Variants in TMEM45B observed in about 807,000 individuals in gnomAD.
The protein encoded by TMEM45B is transmembrane protein 45B.
A neutral mutation model predicts 27.3 loss-of-function variants in TMEM45B; 29 were observed. That is an observed-to-expected ratio of 1.06 (90% CI 0.79 to 1.45). The LOEUF (loss-of-function observed/expected upper bound fraction) is 1.45, where lower values mean the gene tolerates loss of function less well. TMEM45B is among the 40% of genes most tolerant of loss of function. The pLI is 0.00. For missense variants in TMEM45B, 348 were observed against 343.9 expected (o/e 1.01, Z -0.09); for synonymous variants, 143 against 134.7 (o/e 1.06, Z -0.43).
rs1352668679 is a variant in TMEM45B, at chr11:129,857,363, G to A, written c.621G>A (p.Lys207=). The part of the protein sequence containing the change: ...PPFGTPEWDQ[K]DDANLMFITM... ...TTGGAACACCCGAATGGGACCAGAA[G>A]GATGATGCCAACCTCATGTTCATCA... The change falls in exon 5 of 6, where the codon AAG becomes AAA. Residue 207 remains lysine (K), a synonymous_variant. Coordinates refer to ENST00000281441, the MANE Select transcript of TMEM45B (RefSeq NM_138788.5). 6.2e-7 allele frequency: 1 copy of A among 1,614,096 alleles called. No individual in the cohort carries two copies. Among genetic ancestry groups the A allele is most frequent in the South Asian group, 1.1e-5 (1 of 91,090 alleles).
intron 3 of TMEM45B, among the ~76,000 whole-genome samples, chr11:129,855,077 C>T (rs1000622122): frequency 8.5e-5 from 13 of 152,174 alleles, no homozygotes; most frequent in East Asian, 5.8e-4. Context: ...GAGTCCTCCT[C>T]GCCTTCCCAC....
At chr11:129,844,780 C>T (rs1191576203) in intron 1 of TMEM45B, among the ~76,000 whole-genome samples, 1 of 152,050 alleles carries the variant, frequency 6.6e-6, no homozygotes, top group Non-Finnish European at 1.5e-5. Context: ...GGAAAGGGTA[C>T]CAGGTAAGGT....
chr11:129,821,449 G>A (rs1947418953), intron 1 of TMEM45B, among the ~76,000 whole-genome samples: 1 of 151,766 alleles, frequency 6.6e-6, no homozygotes, highest in Admixed American at 6.6e-5. Context: ...TTCTGTCTAG[G>A]CCATCTCTTG....
Position 129,815,852 on chromosome 11 carries a change from T to C in TMEM45B, c.-55T>C, listed in dbSNP as rs1398852836. 4 of 1,309,514 alleles carry C rather than the reference T, an allele frequency of 3.1e-6. No individual in the cohort carries two copies. The highest frequency in any genetic ancestry group is 6.2e-5 in the East Asian group (2 of 32,298). The allele number at this position is 1,309,514 out of a possible 1,614,324, so 81.1% of individuals were successfully genotyped here. A position where few individuals can be genotyped will look rare whatever the true frequency, so the allele number is the denominator to read the frequency against. The stretch of plus-strand genomic sequence containing the variant: ...TGCACCTGCTTCTGGGCGGACGCAC[T>C]TGGCGCGCGGCGCGGGCTGCAGACG... On this transcript the variant is annotated 5_prime_UTR_variant, in exon 1 of 6. Transcript: ENST00000281441.
chr11:129,822,942 G>A (rs933554978), intron 1 of TMEM45B, among the ~76,000 whole-genome samples: 3 of 150,594 alleles, frequency 2.0e-5, no homozygotes, highest in African/African-American at 7.4e-5. Context: ...CCGAGTTCAA[G>A]CCATTCTCCT....
intron 1 of TMEM45B, among the ~76,000 whole-genome samples, chr11:129,821,335 G>C (rs1947417387): frequency 6.6e-6 from 1 of 152,100 alleles, no homozygotes; most frequent in Non-Finnish European, 1.5e-5. Context: ...GAAGCATTTG[G>C]GGTAAATTTT....
intron 1 of TMEM45B, among the ~76,000 whole-genome samples, chr11:129,843,606 A>G (rs932349602): frequency 1.3e-4 from 9 of 67,898 alleles, no homozygotes; most frequent in African/African-American, 3.7e-4. Context: ...CTGCTTTGAG[A>G]AAAAAAAAAA....
At chr11:129,817,709 C>T (rs1017419770) in intron 1 of TMEM45B, among the ~76,000 whole-genome samples, 1 of 152,134 alleles carries the variant, frequency 6.6e-6, no homozygotes, top group Non-Finnish European at 1.5e-5. Context: ...TTGTGATGGT[C>T]GAGGTAATTG....
chr11:129,852,324 G>A (rs942634683), intron 1 of TMEM45B, among the ~76,000 whole-genome samples, 151 bp from the exon 2 acceptor site: 1 of 152,152 alleles, frequency 6.6e-6, no homozygotes, highest in Non-Finnish European at 1.5e-5. Flanking sequence ...CTTCAGTGAC[G>A]TAACATAAGG....
At chr11:129,832,558 G>A (rs1030057044) in intron 1 of TMEM45B, among the ~76,000 whole-genome samples, 5 of 151,794 alleles carry the variant, frequency 3.3e-5, no homozygotes, top group South Asian at 2.1e-4. Context: ...GGCGGGAAAC[G>A]GGAATGACCA....
At chr11:129,848,411 G>A (rs552080013) in intron 1 of TMEM45B, among the ~76,000 whole-genome samples, 73 of 152,366 alleles carry the variant, frequency 4.8e-4, no homozygotes, top group South Asian at 2.1e-3. Flanking sequence ...CACTCGGCAG[G>A]CTGAGGCAGG....
At chr11:129,827,759 A>G (rs2704449) in intron 1 of TMEM45B, among the ~76,000 whole-genome samples, 138,821 of 152,212 alleles carry the variant, frequency 0.91, 63,501 homozygotes, top group East Asian at 1. Context: ...CTGAGACTGC[A>G]CCATTGCACT....
intron 1 of TMEM45B, among the ~76,000 whole-genome samples, chr11:129,835,098 G>T (rs191853736): frequency 1.3e-5 from 2 of 152,188 alleles, no homozygotes; most frequent in South Asian, 4.1e-4. Context: ...ACTGAAGGTG[G>T]CCTGATTTCT....
At chr11:129,832,056 A>ACTGTG (rs1947554505) in intron 1 of TMEM45B, among the ~76,000 whole-genome samples, 1 of 87,720 alleles carries the variant, frequency 1.1e-5, no homozygotes, top group African/African-American at 4.5e-5. Flanking sequence ...ACAGAGCGAG[A>ACTGTG]TTCCATCTCA....
chr11:129,858,224 G>C (rs542402165), intron 5 of TMEM45B, among the ~76,000 whole-genome samples: 1 of 152,120 alleles, frequency 6.6e-6, no homozygotes, highest in East Asian at 1.9e-4. Context: ...TATTAGGTTG[G>C]TGCAAAAGTA....
chr11:129,848,847 T>C (rs1408831881), intron 1 of TMEM45B, among the ~76,000 whole-genome samples: 1 of 152,182 alleles, frequency 6.6e-6, no homozygotes, highest in Non-Finnish European at 1.5e-5. Flanking sequence ...TAGCCTCACA[T>C]GGCAGAAAGG....
Position 129,858,713 on chromosome 11 carries a change from C to A in TMEM45B, c.*28C>A. 6.7e-7 allele frequency: 1 copy of A among 1,483,334 alleles called. No individual in the cohort carries two copies. Among genetic ancestry groups the A allele is most frequent in the Non-Finnish European group, 9.2e-7 (1 of 1,086,326 alleles). The allele number at this position is 1,483,334 out of a possible 1,614,324, so 91.9% of individuals were successfully genotyped here. On this transcript the variant is annotated 3_prime_UTR_variant, in exon 6 of 6. Coordinates refer to ENST00000281441, the MANE Select transcript of TMEM45B (RefSeq NM_138788.5). ...CGAGATGCGGAGGGCGCAGATGTCC[C>A]ACTGCACAGCTGGAATGAATGGAGT...
intron 1 of TMEM45B, among the ~76,000 whole-genome samples, chr11:129,827,314 T>C (rs1337514986): frequency 3.3e-5 from 5 of 152,240 alleles, no homozygotes; most frequent in African/African-American, 1.2e-4. Flanking sequence ...ACTACACATC[T>C]AGGCTATGCG....
At chr11:129,846,310 A>G (rs1033969498) in intron 1 of TMEM45B, among the ~76,000 whole-genome samples, 1 of 152,174 alleles carries the variant, frequency 6.6e-6, no homozygotes, top group African/African-American at 2.4e-5. Flanking sequence ...TCTACTAAAA[A>G]TACAAAAATT....
Sources: allele counts gnomAD v4.1 joint callset (sites outside exome capture counted in the v4.1 genomes callset), GRCh38; gene constraint gnomAD v4.1.1; transcripts MANE v1.5; gene names NCBI Gene and HGNC (gene_info 2026-07-23, HGNC 2026-07-21).